Variants in TNFSF10 observed in about 807,000 individuals in gnomAD.
The protein encoded by TNFSF10 is tumor necrosis factor ligand superfamily member 10.
Under a neutral mutation model 29.5 loss-of-function variants are expected in TNFSF10, and 13 were observed. The observed-to-expected ratio is 0.44, with a 90% confidence interval of 0.29 to 0.70. TNFSF10 has a LOEUF of 0.70. Among genes scored for constraint, TNFSF10 ranks in the 30% least tolerant of loss-of-function variants. The pLI is 0.13. For missense variants in TNFSF10, 345 were observed against 330.9 expected (o/e 1.04, Z -0.33); for synonymous variants, 111 against 112.8 (o/e 0.98, Z 0.10).
At position 172,523,269 on chromosome 3, in the gene TNFSF10, G is replaced by A. The variant is rs376238674; in HGVS notation, c.116C>T (p.Thr39Ile). 6.2e-6 allele frequency: 10 copies of A among 1,613,778 alleles called. No homozygotes were observed. Among genetic ancestry groups the A allele is most frequent in the Non-Finnish European group, 8.5e-6 (10 of 1,179,772 alleles). The stretch of plus-strand genomic sequence containing the variant: ...TGCACTGACCTGCTTCAGCTCGTTG[G>A]TAAAGTACACGTAAGTTACAGCCAC... ...LCVAVTYVYFTNELKQMQDKY... is the reference protein window; with the variant it reads ...LCVAVTYVYFINELKQMQDKY... The change falls in exon 1 of 5, where the codon ACC becomes ATC. Residue 39 changes from threonine to isoleucine, a missense_variant. Physicochemically the swap from Thr to Ile is moderately conservative, Grantham distance 89. Transcript: ENST00000241261.
intron 1 of TNFSF10, among the ~76,000 whole-genome samples, chr3:172,521,636 G>T (rs1713701711): frequency 6.6e-6 from 1 of 152,260 alleles, no homozygotes; most frequent in South Asian, 2.1e-4. Context: ...GTGGAAGACA[G>T]TGTGGCAATT....
At chr3:172,512,207 C>A (rs1270942246) in intron 2 of TNFSF10, among the ~76,000 whole-genome samples, 1 of 152,182 alleles carries the variant, frequency 6.6e-6, no homozygotes, top group Non-Finnish European at 1.5e-5. Flanking sequence ...CCGTGTCATT[C>A]TTTCACTTCT....
intron 1 of TNFSF10, among the ~76,000 whole-genome samples, chr3:172,521,702 C>T (rs1483062552): frequency 6.6e-6 from 1 of 152,076 alleles, no homozygotes; most frequent in East Asian, 1.9e-4. Context: ...GGGTATATAC[C>T]CAAAGGATTA....
intron 1 of TNFSF10, chr3:172,522,155 C>T (rs986403726): frequency 2.7e-5 from 9 of 337,872 alleles, no homozygotes; most frequent in Non-Finnish European, 5.2e-5. Flanking sequence ...ACATGTATAC[C>T]TATGTAACAA....
At chr3:172,516,343 C>A (rs1019397550) in intron 1 of TNFSF10, among the ~76,000 whole-genome samples, 1 of 151,652 alleles carries the variant, frequency 6.6e-6, no homozygotes, top group Non-Finnish European at 1.5e-5. Context: ...GTTATTTGAA[C>A]TAAGGTACTG....
intron 2 of TNFSF10, 51 bp from the exon 3 acceptor site, chr3:172,511,710 G>A (rs1221216038): frequency 6.6e-7 from 1 of 1,511,830 alleles, no homozygotes; most frequent in South Asian, 1.2e-5. Flanking sequence ...AATTTAAACT[G>A]ACTATAGAAT....
At chr3:172,514,774 C>T in intron 2 of TNFSF10, 87 bp downstream of exon 2, 6 of 1,526,320 alleles carry the variant, frequency 3.9e-6, no homozygotes, top group Non-Finnish European at 5.3e-6. Context: ...AGAGTCTAGA[C>T]TTGATTATCT....
chr3:172,512,794 G>A (rs3136594), intron 2 of TNFSF10, among the ~76,000 whole-genome samples: 36,617 of 152,194 alleles, frequency 0.24, 4,739 homozygotes, highest in Middle Eastern at 0.46. Flanking sequence ...CAATGTGGGA[G>A]GCAAAATAAA....
Position 172,506,731 on chromosome 3 carries a change from C to A in TNFSF10, c.607G>T (p.Asp203Tyr). ...QEEIKENTKNDKQMVQYIYKY... is the reference protein window; with the variant it reads ...QEEIKENTKNYKQMVQYIYKY... ...TAAATATATTGGACCATTTGTTTGT[C>A]GTTCTTTGTGTTTTCTTTTATTTCC... Residue 203 changes from aspartate to tyrosine, a missense_variant, in exon 5 of 5, where the codon GAC becomes TAC. Transcript: ENST00000241261. The A allele has an allele frequency of 6.2e-7, 1 of 1,614,066 alleles. No homozygotes were observed. The highest frequency in any genetic ancestry group is 8.5e-7 in the Non-Finnish European group (1 of 1,179,994).
chr3:172,514,881 G>A lies in TNFSF10; in HGVS notation c.250C>T (p.Leu84Phe), dbSNP rs750051656. ...NSPCWQVKWQLRQLVRKMILR... is the reference protein window; with the variant it reads ...NSPCWQVKWQFRQLVRKMILR... ...CCTACCTTTCTAACGAGCTGACGGA[G>A]TTGCCACTTGACTTGCCAGCAGGGG... The change falls in exon 2 of 5, where the codon CTC (leucine) becomes TTC (phenylalanine). Residue 84 changes from leucine to phenylalanine, a missense_variant. Coordinates refer to ENST00000241261, the MANE Select transcript of TNFSF10 (RefSeq NM_003810.4). 2 of 1,614,212 alleles carry A rather than the reference G, an allele frequency of 1.2e-6. No individual in the cohort carries two copies. Among genetic ancestry groups the A allele is most frequent in the Admixed American group, 1.7e-5 (1 of 60,024 alleles).
Position 172,514,154 on chromosome 3 carries a change from T to C in TNFSF10, c.270+707A>G, listed in dbSNP as rs115611511. Among the ~76,000 whole-genome samples, 957 of 152,334 alleles carry C rather than the reference T, an allele frequency of 6.3e-3. 16 individuals are homozygous for C. The highest frequency in any genetic ancestry group is 0.021 in the African/African-American group (891 of 41,578). ...ACACCCGGCTGCAAATATTATTTAA[T>C]GCCATCTTATAAAGAAGGAAGAGCC... On this transcript the variant is annotated intron_variant, in intron 2 of 4. Coordinates refer to ENST00000241261, the MANE Select transcript of TNFSF10 (RefSeq NM_003810.4).
intron 4 of TNFSF10, among the ~76,000 whole-genome samples, chr3:172,508,962 A>C (rs3136598): frequency 0.7 from 105,565 of 151,626 alleles, 37,141 homozygotes; most frequent in Middle Eastern, 0.78. Flanking sequence ...AAGGAAAAAA[A>C]ATGGGATCCT....
chr3:172,521,023 C>T (rs1410238970), intron 1 of TNFSF10, among the ~76,000 whole-genome samples: 1 of 152,120 alleles, frequency 6.6e-6, no homozygotes, highest in African/African-American at 2.4e-5. Context: ...AAACTGGGCC[C>T]CTTCCTTACA....
At chr3:172,516,329 A>G (rs1713437260) in intron 1 of TNFSF10, among the ~76,000 whole-genome samples, 1 of 152,206 alleles carries the variant, frequency 6.6e-6, no homozygotes, top group Non-Finnish European at 1.5e-5. Context: ...GACAATTTTA[A>G]TCTGTTATTT....
In TNFSF10 at chr3:172,506,406, T is replaced by C; in HGVS notation, c.*86A>G. On this transcript the variant is annotated 3_prime_UTR_variant, in exon 5 of 5. Transcript: ENST00000241261. ...TCTGTTTTCTGTTTGTTTGTTTTGG[T>C]CAGATTTTTTGAAACATCTTCATAG... is the stretch of plus-strand genomic sequence containing the variant. 1 of 1,456,604 alleles carries C rather than the reference T, an allele frequency of 6.9e-7. No homozygotes were observed. The highest frequency in any genetic ancestry group is 1.4e-5 in the South Asian group (1 of 70,012). The allele number at this position is 1,456,604 out of a possible 1,614,324, so 90.2% of individuals were successfully genotyped here.
chr3:172,509,100 T>C, intron 4 of TNFSF10, 117 bp downstream of exon 4: 1 of 771,434 alleles, frequency 1.3e-6, no homozygotes, highest in Non-Finnish European at 2.0e-6. Context: ...TGATTAATAC[T>C]GAGCATTTTG....
chr3:172,522,264 C>T (rs1448062669), intron 1 of TNFSF10: 8 of 660,474 alleles, frequency 1.2e-5, no homozygotes, highest in Non-Finnish European at 2.3e-5. Flanking sequence ...GAGCAATAGA[C>T]CTCATGTGAG....
intron 4 of TNFSF10, 189 bp downstream of exon 4, chr3:172,509,028 T>A (rs1713113196): frequency 2.5e-6 from 1 of 399,846 alleles, no homozygotes; most frequent in African/African-American, 2.1e-5. Flanking sequence ...GCCAGTTATG[T>A]CGTGGCAATA....
rs200078541 is a variant in TNFSF10, at chr3:172,506,858, C to T, written c.480G>A (p.Gly160=). Residue 160 remains glycine (G), a synonymous_variant, in exon 5 of 5, where the codon GGG becomes GGA. Transcript: ENST00000241261. Reference sequence around the variant, plus strand: ...AGTGCAAGTTGCTCAGGAATGAATGCCCACTCCTTGATGATTCCCAGGAGT... The same window carrying T: ...AGTGCAAGTTGCTCAGGAATGAATGTCCACTCCTTGATGATTCCCAGGAGT... The part of the protein sequence containing the change: ...KINSWESSRS[G]HSFLSNLHLR... The T allele has an allele frequency of 8.7e-6, 14 of 1,614,112 alleles. No homozygotes were observed. In the Admixed American group the frequency reaches 1.7e-4, roughly 19 times the overall value.
Sources: allele counts gnomAD v4.1 joint callset (sites outside exome capture counted in the v4.1 genomes callset), GRCh38; gene constraint gnomAD v4.1.1; transcripts MANE v1.5; gene names NCBI Gene and HGNC (gene_info 2026-07-23, HGNC 2026-07-21).